EDC3: variants seen among roughly 807,000 people sequenced by gnomAD.
The protein encoded by EDC3 is enhancer of mRNA decapping 3.
In EDC3, 20 loss-of-function variants were observed where a neutral mutation model predicts 41.8. The observed-to-expected ratio is 0.48, with a 90% CI of 0.34 to 0.70. EDC3 has a LOEUF of 0.70. Among genes scored for constraint, EDC3 ranks in the 30% least tolerant of loss-of-function variants. The pLI is 0.01. For synonymous variants in EDC3, 206 were observed against 243.2 expected, an observed-to-expected ratio of 0.85 and a Z score of 1.42; for missense variants, 444 against 636.8, an observed-to-expected ratio of 0.70 and a Z score of 3.26.
intron 3 of EDC3, among the ~76,000 whole-genome samples, chr15:74,667,526 T>C (rs915623057): frequency 6.8e-6 from 1 of 146,666 alleles, no homozygotes; most frequent in African/African-American, 2.5e-5. Flanking sequence ...GTAGTAGTAG[T>C]AGTAGTGGTA....
At chr15:74,646,376 C>G (rs1032099856) in intron 4 of EDC3, among the ~76,000 whole-genome samples, 1 of 152,210 alleles carries the variant, frequency 6.6e-6, no homozygotes. Flanking sequence ...TCCGGCCCCC[C>G]AGTCTTATAA....
At chr15:74,652,551 TAGAAG>T (rs958379718) in intron 4 of EDC3, among the ~76,000 whole-genome samples, 20 of 148,002 alleles carry the variant, frequency 1.4e-4, no homozygotes, top group African/African-American at 4.7e-4. Context: ...TATTCACATT[TAGAAG>T]AGAAAAGGAG....
At chr15:74,651,693 G>A (rs1375434613) in intron 4 of EDC3, among the ~76,000 whole-genome samples, 1 of 152,164 alleles carries the variant, frequency 6.6e-6, no homozygotes, top group Non-Finnish European at 1.5e-5. Flanking sequence ...ATGCCACAAG[G>A]CCAGACTGCG....
intron 3 of EDC3, among the ~76,000 whole-genome samples, chr15:74,656,406 AACACACACACAC>A (rs143925363): frequency 2.1e-5 from 3 of 145,948 alleles, no homozygotes; most frequent in Admixed American, 1.4e-4. Flanking sequence ...TCTGTCTCAA[AACACACACACAC>A]ACACACACAC....
At chr15:74,684,796 C>A (rs1397188322) in intron 1 of EDC3, among the ~76,000 whole-genome samples, 2 of 152,076 alleles carry the variant, frequency 1.3e-5, no homozygotes, top group Non-Finnish European at 2.9e-5. Context: ...GAAAAAACAA[C>A]AACAGCAGCA....
intron 4 of EDC3, 191 bp from the exon 5 acceptor site, chr15:74,640,810 G>T: frequency 1.6e-6 from 1 of 640,036 alleles, no homozygotes; most frequent in Non-Finnish European, 2.6e-6. Context: ...GGTGAACCAA[G>T]TAACAACTTG....
At chr15:74,674,583 T>C (rs2062779664) in intron 2 of EDC3, among the ~76,000 whole-genome samples, 1 of 152,200 alleles carries the variant, frequency 6.6e-6, no homozygotes, top group African/African-American at 2.4e-5. Flanking sequence ...AGCAGATTAT[T>C]TGGCTCTGAC....
At chr15:74,640,775 G>C (rs948325435) in intron 4 of EDC3, 156 bp from the exon 5 acceptor site, 7 of 813,036 alleles carry the variant, frequency 8.6e-6, no homozygotes, top group African/African-American at 3.5e-5. Context: ...ACGCTCTGCA[G>C]CTCTGCAGAG....
chr15:74,660,779 A>G (rs1427608892), intron 3 of EDC3, among the ~76,000 whole-genome samples: 3 of 152,122 alleles, frequency 2.0e-5, no homozygotes, highest in Non-Finnish European at 1.5e-5. Context: ...GGAATATTCT[A>G]TTTATTTTTA....
At chr15:74,635,225 T>C (rs1596298490) in intron 6 of EDC3, 184 bp downstream of exon 6, 2 of 708,204 alleles carry the variant, frequency 2.8e-6, no homozygotes, top group East Asian at 2.7e-5. Flanking sequence ...ATGTGAGTAG[T>C]TGGAGAGGGA....
At chr15:74,668,893 C>T (rs570729150) in intron 3 of EDC3, among the ~76,000 whole-genome samples, 2 of 152,310 alleles carry the variant, frequency 1.3e-5, no homozygotes, top group African/African-American at 4.8e-5. Context: ...ATAGTTGTTT[C>T]ATATGCACCA....
At chr15:74,678,392 G>T (rs975887386) in intron 1 of EDC3, among the ~76,000 whole-genome samples, 35 of 152,138 alleles carry the variant, frequency 2.3e-4, no homozygotes, top group African/African-American at 7.5e-4. Flanking sequence ...AACTAAAACT[G>T]CTCTAAAAAA....
chr15:74,682,388 G>A (rs1346608258), intron 1 of EDC3, among the ~76,000 whole-genome samples: 1 of 151,964 alleles, frequency 6.6e-6, no homozygotes, highest in East Asian at 1.9e-4. Context: ...AGAGGCCAAG[G>A]CGGGTGGATC....
chr15:74,684,879 G>A (rs377755700), intron 1 of EDC3, among the ~76,000 whole-genome samples: 1 of 151,870 alleles, frequency 6.6e-6, no homozygotes. Context: ...AGGAGGCCAA[G>A]GCTTCCCAAA....
At chr15:74,664,956 T>TA (rs2062660680) in intron 3 of EDC3, among the ~76,000 whole-genome samples, 2 of 152,222 alleles carry the variant, frequency 1.3e-5, no homozygotes, top group Admixed American at 1.3e-4. Context: ...AAATCAGCAC[T>TA]AAACAGAGGC....
chr15:74,677,594 C>T (rs2062821408), intron 1 of EDC3, among the ~76,000 whole-genome samples: 1 of 152,118 alleles, frequency 6.6e-6, no homozygotes, highest in Admixed American at 6.6e-5. Flanking sequence ...TGGTCTCGAA[C>T]TCCTGACCTC....
chr15:74,659,579 T>C (rs998189455), intron 3 of EDC3, among the ~76,000 whole-genome samples: 1 of 150,520 alleles, frequency 6.6e-6, no homozygotes, highest in Non-Finnish European at 1.5e-5. Context: ...CATAGAAATA[T>C]GGATGAGATG....
At chr15:74,647,202 G>A (rs2062429097) in intron 4 of EDC3, among the ~76,000 whole-genome samples, 1 of 152,036 alleles carries the variant, frequency 6.6e-6, no homozygotes, top group Admixed American at 6.5e-5. Flanking sequence ...TAGAGACAGG[G>A]TTTCAACATG....
intron 1 of EDC3, chr15:74,676,821 A>G (rs1264966821): frequency 6.6e-6 from 1 of 152,260 alleles, no homozygotes; most frequent in Non-Finnish European, 1.5e-5. Flanking sequence ...CAAGAGACCC[A>G]AAAGGATACT....
Sources: gnomAD v4.1 joint callset for allele counts (sites outside exome capture counted in the v4.1 genomes callset) on GRCh38, gnomAD v4.1.1 for gene constraint, MANE v1.5 for transcripts, NCBI Gene and HGNC (gene_info 2026-07-23, HGNC 2026-07-21) for gene names.